SDK1: variants seen among roughly 807,000 people sequenced by gnomAD.
SDK1 encodes the protein protein sidekick-1.
A neutral mutation model predicts 245.5 loss-of-function variants in SDK1; 157 were observed. The observed-to-expected ratio is 0.64, with a 90% CI of 0.56 to 0.73. SDK1 has a LOEUF of 0.73. SDK1 is among the 30% of genes least tolerant of loss of function. SDK1 has a pLI of 0.00. For synonymous variants in SDK1, 1,647 were observed against 1,278.5 expected (o/e 1.29, Z -6.15); for missense variants, 3,583 against 3,002.3 (o/e 1.19, Z -4.52).
chr7:4,007,924 A>T (rs939920417), intron 14 of SDK1, among the ~76,000 whole-genome samples: 4 of 152,160 alleles, frequency 2.6e-5, no homozygotes, highest in African/African-American at 9.7e-5. Context: ...CACATAAAAA[A>T]TCCATCATGT....
chr7:3,906,489 G>A (rs1449788718), intron 5 of SDK1, among the ~76,000 whole-genome samples: 1 of 151,926 alleles, frequency 6.6e-6, no homozygotes, highest in Non-Finnish European at 1.5e-5. Flanking sequence ...TCCCTGAACT[G>A]TGCCTTACCA....
intron 1 of SDK1, among the ~76,000 whole-genome samples, chr7:3,595,265 A>G (rs75625714): frequency 0.034 from 5,134 of 151,930 alleles, 269 homozygotes; most frequent in African/African-American, 0.11. Flanking sequence ...ATATACTTCT[A>G]CCCTATTCGT....
intron 1 of SDK1, among the ~76,000 whole-genome samples, chr7:3,505,316 A>G (rs889320549): frequency 6.6e-6 from 1 of 152,112 alleles, no homozygotes; most frequent in Non-Finnish European, 1.5e-5. Flanking sequence ...GCATGATGAG[A>G]GGTAACTGCA....
At chr7:4,116,659 T>G (rs1481735087) in intron 25 of SDK1, among the ~76,000 whole-genome samples, 1 of 152,222 alleles carries the variant, frequency 6.6e-6, no homozygotes, top group African/African-American at 2.4e-5. Context: ...CTGTGCCACT[T>G]TGTGGCTTTA....
intron 1 of SDK1, among the ~76,000 whole-genome samples, chr7:3,376,303 A>G (rs926016457): frequency 1.3e-5 from 2 of 152,212 alleles, no homozygotes; most frequent in African/African-American, 4.8e-5. Context: ...GTGGAGAAGG[A>G]TTTCCTAACT....
intron 4 of SDK1, among the ~76,000 whole-genome samples, chr7:3,729,571 T>C (rs778699087): frequency 1.3e-5 from 2 of 152,166 alleles, no homozygotes; most frequent in South Asian, 2.1e-4. Context: ...GTGCTAGATA[T>C]GGGAAGGTTA....
chr7:3,924,468 A>C (rs1422967547), intron 5 of SDK1, among the ~76,000 whole-genome samples: 1 of 152,040 alleles, frequency 6.6e-6, no homozygotes, highest in Non-Finnish European at 1.5e-5. Context: ...GATCTCCCCC[A>C]CCCCTGCTGC....
chr7:3,953,145 G>T (rs868182424), intron 7 of SDK1, among the ~76,000 whole-genome samples: 1 of 147,972 alleles, frequency 6.8e-6, no homozygotes, highest in Non-Finnish European at 1.5e-5. Context: ...AAAAAAATTT[G>T]CAGTCTGCCA....
At chr7:4,036,904 C>T (rs967848312) in intron 17 of SDK1, among the ~76,000 whole-genome samples, 4 of 152,124 alleles carry the variant, frequency 2.6e-5, no homozygotes, top group African/African-American at 7.2e-5. Context: ...GTTATAGCAG[C>T]CTGAACTAAG....
intron 4 of SDK1, among the ~76,000 whole-genome samples, chr7:3,682,846 C>T (rs1008567170): frequency 6.6e-6 from 1 of 151,960 alleles, no homozygotes; most frequent in Non-Finnish European, 1.5e-5. Context: ...TCAAGTGATT[C>T]TCCTGCCTCA....
chr7:4,075,971 C>G (rs1303151712), intron 20 of SDK1, among the ~76,000 whole-genome samples: 1 of 152,068 alleles, frequency 6.6e-6, no homozygotes, highest in Non-Finnish European at 1.5e-5. Flanking sequence ...TTCTCTAAGC[C>G]CCAAGTCACA....
At chr7:3,567,437 T>C (rs531188265) in intron 1 of SDK1, among the ~76,000 whole-genome samples, 1 of 152,342 alleles carries the variant, frequency 6.6e-6, no homozygotes, top group African/African-American at 2.4e-5. Flanking sequence ...AGGCTCATCT[T>C]ACTTTGAATA....
chr7:3,872,087 G>A (rs1355304226), intron 5 of SDK1, among the ~76,000 whole-genome samples: 1 of 152,046 alleles, frequency 6.6e-6, no homozygotes, highest in East Asian at 1.9e-4. Context: ...CTGTTAATTT[G>A]GTGAATTGCA....
chr7:3,463,918 T>C (rs994405420), intron 1 of SDK1, among the ~76,000 whole-genome samples: 2 of 152,210 alleles, frequency 1.3e-5, no homozygotes, highest in African/African-American at 4.8e-5. Context: ...TGTTCTGCCT[T>C]AGGCATGTGT....
intron 1 of SDK1, among the ~76,000 whole-genome samples, chr7:3,471,396 T>A (rs570636810): frequency 6.6e-6 from 1 of 152,158 alleles, no homozygotes; most frequent in Admixed American, 6.5e-5. Flanking sequence ...CTTATTTCTT[T>A]CTGCAAAATC....
chr7:3,321,132 G>A (rs1171973025), intron 1 of SDK1, among the ~76,000 whole-genome samples: 4 of 152,176 alleles, frequency 2.6e-5, no homozygotes, highest in Non-Finnish European at 5.9e-5. Context: ...ACTACTACAT[G>A]TATTCATCAT....
chr7:3,928,707 C>A (rs866191295), intron 5 of SDK1, among the ~76,000 whole-genome samples: 19 of 152,152 alleles, frequency 1.2e-4, no homozygotes, highest in Non-Finnish European at 7.3e-5. Context: ...AACCAACATC[C>A]CCTAATCTGC....
chr7:4,050,774 A>C (rs1789390348), intron 18 of SDK1, among the ~76,000 whole-genome samples: 2 of 150,992 alleles, frequency 1.3e-5, no homozygotes, highest in Non-Finnish European at 2.9e-5. Flanking sequence ...TTCTAGAAAA[A>C]TATTTGTATT....
intron 1 of SDK1, among the ~76,000 whole-genome samples, chr7:3,319,060 C>G (rs1276220683): frequency 1.3e-5 from 2 of 151,894 alleles, no homozygotes; most frequent in Non-Finnish European, 2.9e-5. Context: ...ATGGGAAGGA[C>G]AAAAAACCGC....
Sources: gnomAD v4.1 joint callset for allele counts (sites outside exome capture counted in the v4.1 genomes callset) on GRCh38, gnomAD v4.1.1 for gene constraint, MANE v1.5 for transcripts, NCBI Gene and HGNC (gene_info 2026-07-23, HGNC 2026-07-21) for gene names.